The following TRERF1 variants were observed in gnomAD, a reference collection of about 807,000 sequenced individuals.
TRERF1 encodes transcriptional regulating factor 1, also known as transcriptional-regulating factor 1.
TRERF1 carries 27 observed loss-of-function variants against 122.9 expected under a neutral mutation model. The ratio of observed to expected loss-of-function variants is 0.22; its 90% CI spans 0.16 to 0.30. TRERF1 has a LOEUF of 0.30. TRERF1 is among the 10% of genes least tolerant of loss of function. TRERF1 has a pLI of 1.00. For synonymous variants in TRERF1, 636 were observed against 641.7 expected, an observed-to-expected ratio of 0.99 and a Z score of 0.13; for missense variants, 1,248 against 1,560.3, an observed-to-expected ratio of 0.80 and a Z score of 3.37.
chr6:42,384,730 C>T (rs959485974), intron 2 of TRERF1, among the ~76,000 whole-genome samples: 1 of 152,122 alleles, frequency 6.6e-6, no homozygotes, highest in African/African-American at 2.4e-5. Context: ...AATTTTAAAT[C>T]CTCTATTCCT....
intron 3 of TRERF1, among the ~76,000 whole-genome samples, chr6:42,320,111 G>T (rs1014493186): frequency 6.6e-6 from 1 of 152,020 alleles, no homozygotes; most frequent in Non-Finnish European, 1.5e-5. Flanking sequence ...ATGTTGGCCA[G>T]GCTGGCCTCG....
At chr6:42,258,076 A>C (rs927196427) in intron 10 of TRERF1, 59 bp downstream of exon 10, 11 of 1,423,908 alleles carry the variant, frequency 7.7e-6, no homozygotes, top group Non-Finnish European at 1.1e-5. Context: ...CAAAAGTATT[A>C]ACTATACTTC....
chr6:42,289,343 C>CAAAAAAAAAA (rs145805556), intron 4 of TRERF1, among the ~76,000 whole-genome samples: 1 of 131,014 alleles, frequency 7.6e-6, no homozygotes, highest in African/African-American at 3.0e-5. Flanking sequence ...AAAAAACAAA[C>CAAAAAAAAAA]AAACAAAAAA....
intron 13 of TRERF1, among the ~76,000 whole-genome samples, chr6:42,249,579 G>A (rs1017073706): frequency 3.3e-5 from 5 of 152,182 alleles, no homozygotes; most frequent in African/African-American, 1.2e-4. Context: ...CTGCTGCTCT[G>A]TCATAGGATT....
chr6:42,294,737 C>CTGGT (rs1784822131), intron 4 of TRERF1, among the ~76,000 whole-genome samples: 1 of 152,126 alleles, frequency 6.6e-6, no homozygotes, highest in South Asian at 2.1e-4. Context: ...ATAATGTGTC[C>CTGGT]CCTGACTTCC....
intron 16 of TRERF1, among the ~76,000 whole-genome samples, chr6:42,234,524 GT>G (rs1771633519): frequency 1.3e-5 from 2 of 152,072 alleles, no homozygotes; most frequent in South Asian, 4.1e-4. Context: ...TTTTAGTATA[GT>G]AGAGACGGGG....
chr6:42,269,531 G>A lies in TRERF1; in HGVS notation c.60C>T (p.Phe20=). 2 of 1,614,230 alleles carry A rather than the reference G, an allele frequency of 1.2e-6. No individual in the cohort carries two copies. Among genetic ancestry groups the A allele is most frequent in the Non-Finnish European group, 1.7e-6 (2 of 1,180,046 alleles). The change falls in exon 5 of 18, where the codon TTC becomes TTT. Residue 20 remains phenylalanine, a synonymous_variant. Transcript: ENST00000372922. The surrounding 1 kb of genome is among the most constrained non-coding windows in gnomAD (Gnocchi z 4.9). ...GGACGCCAAGTGGTGGCTGTTGGTA[G>A]AAAAGGTTCTCACTACCATGGGCCA...
intron 2 of TRERF1, among the ~76,000 whole-genome samples, chr6:42,438,455 C>T (rs922934197): frequency 1.3e-4 from 20 of 151,198 alleles, no homozygotes; most frequent in Non-Finnish European, 2.8e-4. Context: ...ACTAAAAATA[C>T]AAAAATTAGC....
At chr6:42,403,022 G>C (rs1321013909) in intron 2 of TRERF1, among the ~76,000 whole-genome samples, 1 of 152,154 alleles carries the variant, frequency 6.6e-6, no homozygotes, top group Non-Finnish European at 1.5e-5. Flanking sequence ...TTCTGAGGAA[G>C]CTGGAGCCTA....
intron 2 of TRERF1, among the ~76,000 whole-genome samples, chr6:42,408,669 C>T (rs1780670366): frequency 6.6e-6 from 1 of 151,892 alleles, no homozygotes; most frequent in Non-Finnish European, 1.5e-5. Context: ...TGAGCCACCG[C>T]ACCCTGACAT....
In TRERF1 at chr6:42,263,325, C is replaced by T. The variant is rs757614028; in HGVS notation, c.1879G>A (p.Val627Met). 2.1e-5 allele frequency: 34 copies of T among 1,611,428 alleles called. No individual in the cohort carries two copies. Among genetic ancestry groups the T allele is most frequent in the Non-Finnish European group, 2.9e-5 (34 of 1,178,874 alleles). The stretch of plus-strand genomic sequence containing the variant: ...GGAGAGAGGGTCATCCTCACGAGCA[C>T]AGGCATCTCGTCGTCCGACATCGAG... Residue 627 changes from valine to methionine, a missense_variant, in exon 8 of 18, where the codon GTG becomes ATG. Coordinates refer to ENST00000372922, the Ensembl canonical transcript of TRERF1. The surrounding 1 kb of genome is among the most constrained non-coding windows in gnomAD (Gnocchi z 5.6).
chr6:42,386,926 A>G (rs1776908315), intron 2 of TRERF1, among the ~76,000 whole-genome samples: 1 of 152,166 alleles, frequency 6.6e-6, no homozygotes, highest in Non-Finnish European at 1.5e-5. Flanking sequence ...TAGGATGTTT[A>G]GCAGTATCCC....
chr6:42,228,745 G>A lies in TRERF1; in HGVS notation c.3279-76C>T. On this transcript the variant is annotated intron_variant, in intron 17 of 17. Transcript: ENST00000372922. The surrounding 1 kb of genome is among the most constrained non-coding windows in gnomAD (Gnocchi z 4.2). ...CTTGGAAATCCAGGTGTCCTACGGG[G>A]AATGGGGGTGTGTGGTCTGACAAAG... 7.0e-7 allele frequency: 1 copy of A among 1,430,606 alleles called. No individual in the cohort carries two copies. Among genetic ancestry groups the A allele is most frequent in the East Asian group, 2.3e-5 (1 of 43,812 alleles). 88.6% of individuals were successfully genotyped at this position (1,430,606 alleles called of 1,614,324 possible).
intron 2 of TRERF1, among the ~76,000 whole-genome samples, chr6:42,365,194 C>T (rs1012450883): frequency 9.9e-5 from 15 of 152,126 alleles, no homozygotes; most frequent in African/African-American, 3.4e-4. Context: ...CACCTCCTGA[C>T]GTTTCTGCCC....
chr6:42,394,309 G>T (rs573916274), intron 2 of TRERF1, among the ~76,000 whole-genome samples: 1 of 152,048 alleles, frequency 6.6e-6, no homozygotes, highest in Non-Finnish European at 1.5e-5. Context: ...CCGTCAGCAG[G>T]CTATCCTGTC....
intron 3 of TRERF1, among the ~76,000 whole-genome samples, chr6:42,314,228 C>T (rs983949863): frequency 6.6e-6 from 1 of 152,210 alleles, no homozygotes; most frequent in Non-Finnish European, 1.5e-5. Flanking sequence ...AAATTCAGAA[C>T]CCTAGCTGAT....
chr6:42,328,855 G>C (rs1312669980), intron 3 of TRERF1, among the ~76,000 whole-genome samples: 2 of 152,142 alleles, frequency 1.3e-5, no homozygotes, highest in Non-Finnish European at 2.9e-5. Flanking sequence ...GATCCTGGAA[G>C]GCCCCCAGCT....
intron 2 of TRERF1, among the ~76,000 whole-genome samples, chr6:42,442,145 G>C (rs1405030947): frequency 6.6e-6 from 1 of 151,940 alleles, no homozygotes; most frequent in Non-Finnish European, 1.5e-5. Flanking sequence ...CCTCATTACT[G>C]GTGTCCTTCA....
chr6:42,236,365 G>A (rs1208007808), exon 16 of TRERF1: 11 of 1,566,836 alleles, frequency 7.0e-6, no homozygotes, highest in African/African-American at 4.1e-5. Flanking sequence ...ATCTTCTTCC[G>A]GGTCCTCCTC....
Sources: allele counts gnomAD v4.1 joint callset (sites outside exome capture counted in the v4.1 genomes callset), GRCh38; gene constraint gnomAD v4.1.1; non-coding constraint Gnocchi (gnomAD v3.1); transcripts MANE v1.5; gene names NCBI Gene and HGNC (gene_info 2026-07-23, HGNC 2026-07-21).